The following EXOSC10 variants were observed in gnomAD, a reference collection of about 807,000 sequenced individuals.
The protein encoded by EXOSC10 is exosome complex component 10.
EXOSC10 carries 94 observed loss-of-function variants against 126.6 expected under a neutral mutation model. The observed-to-expected ratio is 0.74, with a 90% CI of 0.63 to 0.88. The LOEUF (loss-of-function observed/expected upper bound fraction) is 0.88, where lower values mean the gene tolerates loss of function less well. EXOSC10 is among the 40% of genes least tolerant of loss of function. The probability of loss-of-function intolerance (pLI) is 0.00; values close to 1 mark genes in which losing one functional copy is unlikely to be tolerated. For synonymous variants in EXOSC10, 395 were observed against 400.8 expected, an observed-to-expected ratio of 0.99 and a Z score of 0.17; for missense variants, 1,041 against 1,100.5, an observed-to-expected ratio of 0.95 and a Z score of 0.77.
chr1:11,077,316 AG>A, intron 16 of EXOSC10, 48 bp downstream of exon 16: 1 of 1,563,090 alleles, frequency 6.4e-7, no homozygotes, highest in South Asian at 1.2e-5. Flanking sequence ...TAGACAAGGT[AG>A]CTGTGTCCCA....
intron 6 of EXOSC10, among the ~76,000 whole-genome samples, chr1:11,088,481 A>G (rs1344347552): frequency 6.6e-6 from 1 of 152,258 alleles, no homozygotes; most frequent in African/African-American, 2.4e-5. Flanking sequence ...AGTACTGTAT[A>G]GTTGATGTTG....
chr1:11,068,216 G>T (rs574685024), intron 23 of EXOSC10, 132 bp from the exon 24 acceptor site: 12 of 708,382 alleles, frequency 1.7e-5, no homozygotes, highest in African/African-American at 1.6e-4. Context: ...GAGAGAGGAT[G>T]TTTCTGTGTC....
intron 9 of EXOSC10, 23 bp downstream of exon 9, chr1:11,087,425 T>C: frequency 6.2e-7 from 1 of 1,613,044 alleles, no homozygotes; most frequent in African/African-American, 1.3e-5. Flanking sequence ...CTCACATGCA[T>C]GAGTTACAAA....
In EXOSC10 at chr1:11,087,440, T is replaced by C; in HGVS notation, c.1089+8A>G. Reference sequence around the variant, plus strand: ...CTCACATGCATGAGTTACAAAAGGCTGGCTGACCTTAACGATGGCTGGGTC... The same window carrying C: ...CTCACATGCATGAGTTACAAAAGGCCGGCTGACCTTAACGATGGCTGGGTC... On this transcript the variant is annotated splice_region_variant and intron_variant, in intron 9 of 24. Coordinates refer to ENST00000376936, the MANE Select transcript of EXOSC10 (RefSeq NM_001001998.3). 1.2e-6 allele frequency: 2 copies of C among 1,614,054 alleles called. No homozygotes were observed. The highest frequency in any genetic ancestry group is 1.7e-4 in the Middle Eastern group (1 of 6,060).
intron 20 of EXOSC10, 55 bp downstream of exon 20, chr1:11,072,032 G>T: frequency 1.4e-6 from 2 of 1,411,454 alleles, no homozygotes; most frequent in South Asian, 1.2e-5. Context: ...GAAACAGCGG[G>T]TGTGCAACAG....
At chr1:11,098,438 C>T (rs1156786579) in intron 1 of EXOSC10, among the ~76,000 whole-genome samples, 13 of 152,138 alleles carry the variant, frequency 8.5e-5, no homozygotes, top group Admixed American at 7.9e-4. Context: ...GACTCTGCTA[C>T]GTATTAACTG....
Position 11,087,238 on chromosome 1 carries a change from T to C in EXOSC10, c.1089+210A>G, listed in dbSNP as rs187693652. Among the ~76,000 whole-genome samples the C allele has an allele frequency of 1.4e-4, 22 of 152,260 alleles. No homozygotes were observed. The East Asian group carries it at 4.1e-3, about 28-fold the overall frequency. On this transcript the variant is annotated intron_variant, in intron 9 of 24. Transcript: ENST00000376936. ...TCACTGCAGTAGTCATTAAAATGAT[T>C]TAACGTTTTTCTGGGCGGTAACAAG...
At position 11,077,694 on chromosome 1, in the gene EXOSC10, A is replaced by G. The variant is rs768872032; in HGVS notation, c.1750-43T>C. On this transcript the variant is annotated intron_variant, in intron 14 of 24. Transcript: ENST00000376936. ...GGGAATTGAGGAAAGTTGCCCAAGC[A>G]CCTCAAGTCCAACCCCCAGTCTCCA... 2.6e-6 allele frequency: 4 copies of G among 1,568,434 alleles called. No individual in the cohort carries two copies. In the African/African-American group the frequency reaches 4.1e-5, roughly 16 times the overall value.
At chr1:11,067,566 T>C (rs1013424126) in intron 24 of EXOSC10, among the ~76,000 whole-genome samples, 2 of 152,136 alleles carry the variant, frequency 1.3e-5, no homozygotes, top group African/African-American at 2.4e-5. Context: ...ATTGTGCCAC[T>C]GCACTCCAGC....
chr1:11,085,507 AAGG>A (rs1480918390), intron 9 of EXOSC10, among the ~76,000 whole-genome samples: 1 of 152,176 alleles, frequency 6.6e-6, no homozygotes, highest in Admixed American at 6.6e-5. Flanking sequence ...TTATCAGCTT[AAGG>A]AGATTTTGGG....
chr1:11,075,657 C>T (rs555743012), intron 17 of EXOSC10, among the ~76,000 whole-genome samples: 1 of 152,114 alleles, frequency 6.6e-6, no homozygotes, highest in East Asian at 1.9e-4. Flanking sequence ...CAAAGTGAAG[C>T]CTGGGCGACA....
intron 21 of EXOSC10, among the ~76,000 whole-genome samples, chr1:11,070,077 A>G (rs1219006981): frequency 5.3e-5 from 8 of 151,946 alleles, no homozygotes; most frequent in Admixed American, 5.2e-4. Flanking sequence ...TACAAAAAAA[A>G]AGAAACAAAT....
In EXOSC10 at chr1:11,087,481, G is replaced by C. The variant is rs564641918; in HGVS notation, c.1056C>G (p.Leu352=). The C allele has an allele frequency of 1.1e-5, 18 of 1,614,076 alleles. 1 individual carries two copies. Among genetic ancestry groups the C allele is most frequent in the African/African-American group, 4.0e-5 (3 of 75,002 alleles). ...TGGCTGGGTCTGTGAGGCTCTCATT[G>C]AGAATGTACATGTCACTTCGAAGCT... ...TLELRSDMYI[L]NESLTDPAIV... is the part of the protein sequence containing the mutation. The change falls in exon 9 of 25, where the codon CTC becomes CTG. Residue 352 remains leucine (L), a synonymous_variant. Transcript: ENST00000376936.
intron 10 of EXOSC10, among the ~76,000 whole-genome samples, chr1:11,081,811 G>A (rs533955324): frequency 4.0e-5 from 6 of 151,736 alleles, no homozygotes; most frequent in East Asian, 3.9e-4. Context: ...GGCCAGGCGC[G>A]GTGGCTCACG....
chr1:11,071,761 T>A, intron 20 of EXOSC10: 1 of 231,832 alleles, frequency 4.3e-6, no homozygotes, highest in Non-Finnish European at 8.5e-6. Context: ...CCCAGTGAAC[T>A]AGCCCCAGGG....
chr1:11,098,483 T>C (rs928895941), intron 1 of EXOSC10, among the ~76,000 whole-genome samples: 1 of 152,232 alleles, frequency 6.6e-6, no homozygotes, highest in South Asian at 2.1e-4. Flanking sequence ...ATTTGGACTT[T>C]AGTGTTCTCC....
chr1:11,088,032 C>T, intron 7 of EXOSC10, 91 bp downstream of exon 7: 1 of 1,298,192 alleles, frequency 7.7e-7, no homozygotes, highest in Non-Finnish European at 1.1e-6. Context: ...TAAAGATCTT[C>T]AAGGAAAGTC....
At chr1:11,087,278 T>A (rs1384085699) in intron 9 of EXOSC10, among the ~76,000 whole-genome samples, 170 bp downstream of exon 9, 1 of 152,232 alleles carries the variant, frequency 6.6e-6, no homozygotes, top group Non-Finnish European at 1.5e-5. Context: ...GTCTTAGCTG[T>A]TCTAACAGGG....
chr1:11,071,924 G>A, intron 20 of EXOSC10, 163 bp downstream of exon 20: 1 of 596,484 alleles, frequency 1.7e-6, no homozygotes, highest in Non-Finnish European at 3.0e-6. Context: ...CACAGCACCT[G>A]CTGCCATCTG....
Sources: gnomAD v4.1 joint callset for allele counts (sites outside exome capture counted in the v4.1 genomes callset) on GRCh38, gnomAD v4.1.1 for gene constraint, MANE v1.5 for transcripts, NCBI Gene and HGNC (gene_info 2026-07-23, HGNC 2026-07-21) for gene names.